The following CEP112 variants were observed in gnomAD, a reference collection of about 807,000 sequenced individuals.
CEP112 encodes the protein centrosomal protein 112.
Under a neutral mutation model 153.0 loss-of-function variants are expected in CEP112, and 127 were observed. The observed-to-expected ratio is 0.83, with a 90% confidence interval of 0.72 to 0.96. The LOEUF (loss-of-function observed/expected upper bound fraction) is 0.96. Ranked by LOEUF, CEP112 falls within the 40% of genes least tolerant of loss-of-function variation. The probability of loss-of-function intolerance (pLI) is 0.00; values close to 1 mark genes in which losing one functional copy is unlikely to be tolerated. For missense variants in CEP112, 1,089 were observed against 1,101.2 expected (o/e 0.99, Z 0.16); for synonymous variants, 358 against 374.4 (o/e 0.96, Z 0.51).
chr17:66,167,947 A>T (rs1437036287), intron 4 of CEP112, among the ~76,000 whole-genome samples: 2 of 152,230 alleles, frequency 1.3e-5, no homozygotes, highest in Non-Finnish European at 2.9e-5. Context: ...TGCTTTCACA[A>T]ATTAGAAATA....
At chr17:65,796,212 A>G (rs1332907560) in intron 21 of CEP112, among the ~76,000 whole-genome samples, 1 of 152,156 alleles carries the variant, frequency 6.6e-6, no homozygotes. Flanking sequence ...TGGCTTCTGT[A>G]ACAGTTTGTC....
chr17:65,709,021 G>A (rs141722015), intron 23 of CEP112, among the ~76,000 whole-genome samples: 11 of 151,866 alleles, frequency 7.2e-5, no homozygotes, highest in Non-Finnish European at 1.6e-4. Flanking sequence ...CTATTTCCCC[G>A]GCTTCAGCTC....
chr17:65,696,887 T>C (rs1405143942), intron 23 of CEP112, among the ~76,000 whole-genome samples: 1 of 152,138 alleles, frequency 6.6e-6, no homozygotes, highest in African/African-American at 2.4e-5. Context: ...GAATTTACTA[T>C]CCTACTTTGG....
At chr17:65,840,650 A>G (rs2057481732) in intron 21 of CEP112, among the ~76,000 whole-genome samples, 1 of 152,090 alleles carries the variant, frequency 6.6e-6, no homozygotes, top group Non-Finnish European at 1.5e-5. Context: ...ATATCAAGAT[A>G]AAAATCTTGA....
intron 4 of CEP112, among the ~76,000 whole-genome samples, chr17:66,148,238 A>C (rs1198171983): frequency 6.6e-6 from 1 of 152,188 alleles, no homozygotes; most frequent in Admixed American, 6.5e-5. Context: ...ATTTACTACC[A>C]CAAGAACAGT....
chr17:65,756,358 A>G (rs993823428), intron 21 of CEP112, among the ~76,000 whole-genome samples: 53 of 138,190 alleles, frequency 3.8e-4, no homozygotes, highest in African/African-American at 1.3e-3. Context: ...GCGAGCTGAG[A>G]TCGTGCCATT....
chr17:65,776,383 T>C (rs548101700), intron 21 of CEP112, among the ~76,000 whole-genome samples: 19 of 152,300 alleles, frequency 1.2e-4, no homozygotes, highest in South Asian at 8.3e-4. Context: ...TACAGGTGCC[T>C]GCCACCACGC....
intron 24 of CEP112, among the ~76,000 whole-genome samples, chr17:65,653,995 G>A (rs2045925223): frequency 6.9e-6 from 1 of 144,834 alleles, no homozygotes; most frequent in East Asian, 2.0e-4. Context: ...GGAGACAGAG[G>A]TTGCAGTAAG....
intron 21 of CEP112, among the ~76,000 whole-genome samples, chr17:65,821,540 ATTTTTTT>A (rs869059954): frequency 3.3e-4 from 11 of 33,634 alleles, no homozygotes; most frequent in Non-Finnish European, 4.7e-4. Context: ...ATATATATAT[ATTTTTTT>A]TTTTTTTTTT....
intron 24 of CEP112, among the ~76,000 whole-genome samples, chr17:65,650,992 T>C (rs1027569413): frequency 7.9e-5 from 12 of 152,062 alleles, no homozygotes; most frequent in African/African-American, 2.9e-4. Context: ...GTTACATGGG[T>C]AAGTTCTTTA....
At chr17:65,989,721 T>C (rs1043447790) in intron 17 of CEP112, among the ~76,000 whole-genome samples, 1 of 152,180 alleles carries the variant, frequency 6.6e-6, no homozygotes, top group Non-Finnish European at 1.5e-5. Context: ...AAACCCAGAA[T>C]AGTCTAATAC....
At chr17:65,725,460 G>A (rs886714855) in intron 23 of CEP112, among the ~76,000 whole-genome samples, 29 of 151,940 alleles carry the variant, frequency 1.9e-4, no homozygotes, top group African/African-American at 6.8e-4. Flanking sequence ...TGAGATTACA[G>A]GTGCGCACCA....
chr17:65,850,116 T>C (rs894345290), intron 21 of CEP112, among the ~76,000 whole-genome samples: 2 of 132,890 alleles, frequency 1.5e-5, no homozygotes, highest in Non-Finnish European at 3.0e-5. Flanking sequence ...ATCATGCCAC[T>C]GCACTCCAGC....
intron 24 of CEP112, among the ~76,000 whole-genome samples, chr17:65,659,687 A>G (rs933415514): frequency 2.6e-5 from 4 of 152,246 alleles, no homozygotes; most frequent in African/African-American, 7.2e-5. Flanking sequence ...TTTTTGTTCA[A>G]TTAAAACTTA....
At chr17:65,860,664 C>T (rs372303957) in intron 20 of CEP112, among the ~76,000 whole-genome samples, 22 of 152,244 alleles carry the variant, frequency 1.4e-4, no homozygotes, top group East Asian at 1.9e-4. Flanking sequence ...CTAAAAATTA[C>T]GCTGACACAA....
chr17:66,156,349 G>A (rs567599964), intron 4 of CEP112, among the ~76,000 whole-genome samples: 8 of 152,040 alleles, frequency 5.3e-5, no homozygotes, highest in Non-Finnish European at 1.2e-4. Context: ...CAACAAAAAG[G>A]GTGTCCACAC....
At chr17:65,639,127 A>C (rs2044953419) in intron 25 of CEP112, among the ~76,000 whole-genome samples, 1 of 152,178 alleles carries the variant, frequency 6.6e-6, no homozygotes, top group South Asian at 2.1e-4. Flanking sequence ...AATCGCAAAC[A>C]GTAGCATATG....
At chr17:66,085,838 A>G (rs374552334) in intron 8 of CEP112, among the ~76,000 whole-genome samples, 11 of 152,206 alleles carry the variant, frequency 7.2e-5, no homozygotes, top group African/African-American at 2.6e-4. Flanking sequence ...ATAGCCGGGC[A>G]TGGTGGCGCA....
intron 2 of CEP112, among the ~76,000 whole-genome samples, chr17:66,178,168 T>A (rs2072567907): frequency 6.6e-6 from 1 of 152,210 alleles, no homozygotes; most frequent in African/African-American, 2.4e-5. Flanking sequence ...TCCACTAATT[T>A]GCATTAACAC....
Sources: gnomAD v4.1 joint callset for allele counts (sites outside exome capture counted in the v4.1 genomes callset) on GRCh38, gnomAD v4.1.1 for gene constraint, MANE v1.5 for transcripts, NCBI Gene and HGNC (gene_info 2026-07-23, HGNC 2026-07-21) for gene names.